ADK: variants seen among roughly 807,000 people sequenced by gnomAD.
ADK encodes adenosine kinase.
Under a neutral mutation model 44.7 loss-of-function variants are expected in ADK, and 24 were observed. The observed-to-expected ratio is 0.54, with a 90% CI of 0.39 to 0.76. The LOEUF (loss-of-function observed/expected upper bound fraction) is 0.76, where lower values mean the gene tolerates loss of function less well. ADK is among the 30% of genes least tolerant of loss of function. ADK has a pLI of 0.00. For synonymous variants in ADK, 128 were observed against 142.6 expected (o/e 0.90, Z 0.73); for missense variants, 321 against 425.1 (o/e 0.76, Z 2.15).
intron 7 of ADK, among the ~76,000 whole-genome samples, chr10:74,529,702 A>G (rs983957130): frequency 6.6e-6 from 1 of 152,124 alleles, no homozygotes; most frequent in African/African-American, 2.4e-5. Flanking sequence ...CTCTTTTGGT[A>G]TGATTATTGT....
intron 6 of ADK, among the ~76,000 whole-genome samples, chr10:74,446,460 C>T (rs1592226135): frequency 2.0e-5 from 3 of 151,974 alleles, no homozygotes; most frequent in South Asian, 4.2e-4. Flanking sequence ...TAGTGAGAGA[C>T]GACGATAGGA....
intron 7 of ADK, among the ~76,000 whole-genome samples, chr10:74,552,101 A>G (rs146603757): frequency 6.6e-6 from 1 of 152,194 alleles, no homozygotes; most frequent in Non-Finnish European, 1.5e-5. Context: ...CAGTGGGCCA[A>G]CTGTATACAT....
chr10:74,465,492 CTT>C (rs1233860188), intron 6 of ADK, among the ~76,000 whole-genome samples: 2 of 152,024 alleles, frequency 1.3e-5, no homozygotes, highest in East Asian at 1.9e-4. Context: ...CATAACATGA[CTT>C]ATATTTTAGT....
chr10:74,351,750 C>T (rs1361997790), intron 4 of ADK, among the ~76,000 whole-genome samples: 1 of 152,116 alleles, frequency 6.6e-6, no homozygotes, highest in Non-Finnish European at 1.5e-5. Context: ...GCAGAAATCA[C>T]AAGCATTTCT....
intron 2 of ADK, among the ~76,000 whole-genome samples, chr10:74,223,848 G>A (rs977603949): frequency 1.3e-5 from 2 of 152,164 alleles, no homozygotes; most frequent in Non-Finnish European, 2.9e-5. Flanking sequence ...CAGCAATTTG[G>A]GAGGCTGAGG....
At chr10:74,229,233 G>A (rs1844657126) in intron 3 of ADK, among the ~76,000 whole-genome samples, 2 of 152,018 alleles carry the variant, frequency 1.3e-5, no homozygotes, top group Non-Finnish European at 2.9e-5. Flanking sequence ...AACCTTCAAG[G>A]GTATTAGGAC....
chr10:74,448,468 C>T (rs1904063), intron 6 of ADK, among the ~76,000 whole-genome samples: 92,850 of 151,884 alleles, frequency 0.61, 30,641 homozygotes, highest in Middle Eastern at 0.79. Context: ...TATATATATA[C>T]GCATATATAC....
chr10:74,338,987 C>T (rs1841499516), intron 4 of ADK, among the ~76,000 whole-genome samples: 1 of 152,096 alleles, frequency 6.6e-6, no homozygotes, highest in South Asian at 2.1e-4. Context: ...GTGTCTTGTT[C>T]CATTTCCCAG....
chr10:74,675,121 A>C (rs1855339813), intron 10 of ADK, among the ~76,000 whole-genome samples: 2 of 152,074 alleles, frequency 1.3e-5, no homozygotes, highest in South Asian at 4.1e-4. Flanking sequence ...GTGACTTTGC[A>C]TATCTATATT....
chr10:74,564,346 TG>T (rs771815559), intron 7 of ADK, among the ~76,000 whole-genome samples: 30 of 152,202 alleles, frequency 2.0e-4, no homozygotes, highest in Non-Finnish European at 1.8e-4. Flanking sequence ...TTTCAAAACC[TG>T]AAAACCTTCT....
chr10:74,666,726 A>T (rs1564843269), intron 9 of ADK, among the ~76,000 whole-genome samples: 1 of 152,058 alleles, frequency 6.6e-6, no homozygotes, highest in Non-Finnish European at 1.5e-5. Context: ...CTTACCTGTA[A>T]GTGTATATTC....
chr10:74,304,185 G>A (rs1218830479), intron 3 of ADK, among the ~76,000 whole-genome samples: 2 of 151,608 alleles, frequency 1.3e-5, no homozygotes, highest in Non-Finnish European at 2.9e-5. Context: ...TGTATCAAGT[G>A]TCTTACAAGT....
At chr10:74,210,651 G>A (rs1843780068) in intron 2 of ADK, among the ~76,000 whole-genome samples, 1 of 151,998 alleles carries the variant, frequency 6.6e-6, no homozygotes, top group Non-Finnish European at 1.5e-5. Flanking sequence ...TTAAAAAAAG[G>A]AAAATGCTCA....
At chr10:74,429,048 T>C (rs768955625) in intron 6 of ADK, among the ~76,000 whole-genome samples, 66 of 152,222 alleles carry the variant, frequency 4.3e-4, no homozygotes, top group Non-Finnish European at 2.5e-4. Context: ...TGACAACAGA[T>C]GAAAATGGAT....
intron 10 of ADK, among the ~76,000 whole-genome samples, chr10:74,680,097 G>A (rs952683771): frequency 5.9e-5 from 9 of 152,128 alleles, no homozygotes; most frequent in Admixed American, 2.0e-4. Flanking sequence ...GGCAGATCAC[G>A]AGGTCAGGAG....
At chr10:74,526,523 A>G (rs74979055) in intron 7 of ADK, among the ~76,000 whole-genome samples, 2 of 152,318 alleles carry the variant, frequency 1.3e-5, no homozygotes, top group Non-Finnish European at 2.9e-5. Context: ...TTCTAATTCC[A>G]TAGTTCTAAC....
At chr10:74,186,822 G>A (rs1201450252) in intron 1 of ADK, among the ~76,000 whole-genome samples, 1 of 152,156 alleles carries the variant, frequency 6.6e-6, no homozygotes, top group African/African-American at 2.4e-5. Context: ...TTATTGTGAA[G>A]TAATATTCCA....
intron 6 of ADK, among the ~76,000 whole-genome samples, chr10:74,497,216 G>A (rs149708117): frequency 3.3e-5 from 5 of 152,350 alleles, no homozygotes; most frequent in East Asian, 1.9e-4. Flanking sequence ...TTATGGTGGA[G>A]TAAGGGTGAT....
At chr10:74,328,921 C>T (rs912734334) in intron 4 of ADK, among the ~76,000 whole-genome samples, 1 of 151,714 alleles carries the variant, frequency 6.6e-6, no homozygotes, top group South Asian at 2.1e-4. Flanking sequence ...TCCAAGAGAT[C>T]CAGGGTAGTC....
Sources: gnomAD v4.1 joint callset for allele counts (sites outside exome capture counted in the v4.1 genomes callset) on GRCh38, gnomAD v4.1.1 for gene constraint, MANE v1.5 for transcripts, NCBI Gene and HGNC (gene_info 2026-07-23, HGNC 2026-07-21) for gene names.